Variants in AHI1 observed in about 807,000 individuals in gnomAD.
The protein encoded by AHI1 is jouberin.
A neutral mutation model predicts 149.3 loss-of-function variants in AHI1; 123 were observed. That is an observed-to-expected ratio of 0.82 (90% CI 0.71 to 0.96). The LOEUF (loss-of-function observed/expected upper bound fraction) is 0.96, where lower values mean the gene tolerates loss of function less well. AHI1 is among the 40% of genes least tolerant of loss of function. AHI1 has a pLI of 0.00. For missense variants in AHI1, 1,439 were observed against 1,422.7 expected (o/e 1.01, Z -0.18); for synonymous variants, 475 against 459.8 (o/e 1.03, Z -0.42).
chr6:135,493,813 C>A (rs866909436), intron 3 of AHI1, among the ~76,000 whole-genome samples: 6 of 152,078 alleles, frequency 3.9e-5, no homozygotes, highest in African/African-American at 1.4e-4. Flanking sequence ...AAGGATAAGG[C>A]GGGTGGATCA....
rs372772539 is a variant in AHI1 at position 135,443,297 on chromosome 6, G to A, written c.1780-583C>T. ...ATGTTTTCACCCTCTTCTACCAGAT[G>A]AAGCCCAAATTTTCTGGGTATTAAT... On this transcript the variant is annotated intron_variant, in intron 13 of 28. Coordinates refer to ENST00000265602, the MANE Select transcript of AHI1 (RefSeq NM_001134831.2). Among the ~76,000 whole-genome samples the A allele has an allele frequency of 7.2e-4, 110 of 152,228 alleles. 4 individuals are homozygous for A. In the South Asian group the frequency reaches 0.022, roughly 31 times the overall value.
At chr6:135,287,186 G>A (rs1260181698) in intron 28 of AHI1, among the ~76,000 whole-genome samples, 6 of 152,168 alleles carry the variant, frequency 3.9e-5, no homozygotes, top group African/African-American at 1.4e-4. Context: ...GATCCTGCAC[G>A]TGCAGAAGAT....
intron 11 of AHI1, among the ~76,000 whole-genome samples, chr6:135,449,653 A>C (rs1477608534): frequency 1.3e-5 from 2 of 152,194 alleles, no homozygotes; most frequent in African/African-American, 2.4e-5. Flanking sequence ...CACATTTAAC[A>C]ACTGTTACTT....
intron 24 of AHI1, among the ~76,000 whole-genome samples, chr6:135,345,795 C>T (rs957411779): frequency 2.0e-5 from 3 of 151,958 alleles, no homozygotes; most frequent in African/African-American, 2.4e-5. Context: ...TAAAAGGGTG[C>T]ATTTTATGCC....
chr6:135,290,750 T>C (rs963183555), intron 27 of AHI1, among the ~76,000 whole-genome samples: 2 of 152,182 alleles, frequency 1.3e-5, no homozygotes, highest in Non-Finnish European at 2.9e-5. Flanking sequence ...CTGGTTGGGC[T>C]CCTTCTTAGC....
chr6:135,450,035 T>A (rs1243731656), intron 11 of AHI1, among the ~76,000 whole-genome samples: 3 of 152,106 alleles, frequency 2.0e-5, no homozygotes, highest in Admixed American at 2.0e-4. Context: ...CAAGCTGAAA[T>A]GTCCAGCAGG....
intron 28 of AHI1, 105 bp downstream of exon 28, chr6:135,290,318 C>T (rs1378465154): frequency 3.9e-6 from 3 of 766,110 alleles, no homozygotes; most frequent in Non-Finnish European, 6.8e-6. Context: ...CTTGTCAGTC[C>T]TTATTTTACT....
At chr6:135,391,152 G>A (rs1236327771) in intron 23 of AHI1, among the ~76,000 whole-genome samples, 1 of 152,054 alleles carries the variant, frequency 6.6e-6, no homozygotes, top group East Asian at 1.9e-4. Flanking sequence ...AGCTTTTCTG[G>A]ATACAAGTAA....
intron 19 of AHI1, among the ~76,000 whole-genome samples, chr6:135,428,006 A>C (rs1410093211): frequency 6.6e-6 from 1 of 151,678 alleles, no homozygotes; most frequent in Non-Finnish European, 1.5e-5. Context: ...ATAAAAAAAA[A>C]ACAAGGAAAA....
At chr6:135,491,116 A>G (rs1795193627) in intron 4 of AHI1, among the ~76,000 whole-genome samples, 1 of 152,208 alleles carries the variant, frequency 6.6e-6, no homozygotes, top group Non-Finnish European at 1.5e-5. Flanking sequence ...ATCTTATGCC[A>G]AAGATCATTT....
At position 135,438,400 on chromosome 6, in the gene AHI1, T is replaced by C. The variant is rs780154667; in HGVS notation, c.2011A>G (p.Thr671Ala). ...SWSKDDHYIL[T>A]SSSDGTARIW... ...CTGGCAGTGCCATCAGATGATGAAG[T>C]AAGGATGTAGTGATCATCTTTTGAC... The change falls in exon 15 of 29, where the codon ACT becomes GCT. Residue 671 changes from threonine to alanine, a missense_variant. Coordinates refer to ENST00000265602, the MANE Select transcript of AHI1 (RefSeq NM_001134831.2). The C allele has an allele frequency of 1.5e-5, 23 of 1,576,804 alleles. No individual in the cohort carries two copies. The highest frequency in any genetic ancestry group is 3.6e-5 in the Admixed American group (2 of 56,120).
At chr6:135,366,484 G>A (rs1774209396) in intron 23 of AHI1, among the ~76,000 whole-genome samples, 1 of 152,068 alleles carries the variant, frequency 6.6e-6, no homozygotes, top group Admixed American at 6.6e-5. Context: ...GGTCTGTTCA[G>A]AGTTTCTATT....
rs1562220013 is a variant in AHI1 at position 135,457,710 on chromosome 6, G to A, written c.935C>T (p.Ala312Val). The change falls in exon 9 of 29, where the codon GCA (alanine) becomes GTA (valine). Residue 312 changes from alanine to valine, a missense_variant. By Grantham distance (64) the Ala-to-Val change is moderately conservative. Transcript: ENST00000265602. The part of the protein sequence containing the change: ...KKTKKKTKAV[A>V]DNNEDVDGDG... ...ACCATCAACATCTTCATTATTATCT[G>A]CAACTACACGCATGGAAAAAAAAAT... The A allele has an allele frequency of 6.2e-7, 1 of 1,613,008 alleles. No individual in the cohort carries two copies.
intron 11 of AHI1, among the ~76,000 whole-genome samples, chr6:135,449,013 T>TA (rs1787682799): frequency 6.6e-6 from 1 of 152,180 alleles, no homozygotes; most frequent in Admixed American, 6.5e-5. Context: ...AAAACCCTAT[T>TA]AAACAAAACT....
chr6:135,434,058 T>C (rs925973076), intron 15 of AHI1, among the ~76,000 whole-genome samples: 11 of 152,182 alleles, frequency 7.2e-5, no homozygotes, highest in Non-Finnish European at 1.0e-4. Flanking sequence ...GTGTGAAGCA[T>C]TGGATTTTTA....
At chr6:135,294,757 C>T (rs1782871214) in intron 27 of AHI1, among the ~76,000 whole-genome samples, 1 of 147,122 alleles carries the variant, frequency 6.8e-6, no homozygotes, top group Non-Finnish European at 1.5e-5. Context: ...ATCCAAAACT[C>T]ACATCACATA....
At chr6:135,336,114 A>T (rs926979101) in intron 24 of AHI1, among the ~76,000 whole-genome samples, 3 of 135,184 alleles carry the variant, frequency 2.2e-5, no homozygotes, top group African/African-American at 8.8e-5. Context: ...ACTCCGTCTA[A>T]AAAAAAAAAA....
chr6:135,434,435 C>A lies in AHI1; in HGVS notation c.2037-1179G>T, dbSNP rs564471805. Among the ~76,000 whole-genome samples, 8 of 151,858 alleles carry A rather than the reference C, an allele frequency of 5.3e-5. No individual in the cohort carries two copies. The East Asian group carries it at 9.7e-4, about 18-fold the overall frequency. ...ATATGATGCCTATTAAAAGAAAAAA[C>A]CACTAATTTTGGGAAAATATTAAAA... On this transcript the variant is annotated intron_variant, in intron 15 of 28. Coordinates refer to ENST00000265602, the MANE Select transcript of AHI1 (RefSeq NM_001134831.2).
chr6:135,321,803 CT>C (rs1391716095), intron 25 of AHI1, among the ~76,000 whole-genome samples: 1 of 151,966 alleles, frequency 6.6e-6, no homozygotes, highest in Non-Finnish European at 1.5e-5. Context: ...TATACTACAA[CT>C]TTTTTTTCTT....
Sources: allele counts gnomAD v4.1 joint callset (sites outside exome capture counted in the v4.1 genomes callset), GRCh38; gene constraint gnomAD v4.1.1; transcripts MANE v1.5; gene names NCBI Gene and HGNC (gene_info 2026-07-23, HGNC 2026-07-21).